The following ZMAT4 variants were observed in gnomAD, a reference collection of about 807,000 sequenced individuals.
ZMAT4 encodes the protein zinc finger matrin-type protein 4.
Under a neutral mutation model 28.7 loss-of-function variants are expected in ZMAT4, and 17 were observed. The ratio of observed to expected loss-of-function variants is 0.59; its 90% confidence interval spans 0.41 to 0.89. ZMAT4 has a LOEUF of 0.89. Among genes scored for constraint, ZMAT4 ranks in the 40% least tolerant of loss-of-function variants. The probability of loss-of-function intolerance (pLI) is 0.00; values close to 1 mark genes in which losing one functional copy is unlikely to be tolerated. For missense variants in ZMAT4, 240 were observed against 283.8 expected, an observed-to-expected ratio of 0.85 and a Z score of 1.11; for synonymous variants, 117 against 109.2, an observed-to-expected ratio of 1.07 and a Z score of -0.44.
At chr8:40,627,708 A>G (rs1356200537) in intron 5 of ZMAT4, among the ~76,000 whole-genome samples, 1 of 152,218 alleles carries the variant, frequency 6.6e-6, no homozygotes, top group Admixed American at 6.5e-5. Flanking sequence ...TTGCTTATTC[A>G]GATTTTAAAT....
intron 6 of ZMAT4, among the ~76,000 whole-genome samples, chr8:40,562,302 C>T (rs990630267): frequency 6.6e-6 from 1 of 152,094 alleles, no homozygotes; most frequent in Non-Finnish European, 1.5e-5. Flanking sequence ...AGGTAGGCAC[C>T]TTAGGCCATC....
intron 1 of ZMAT4, among the ~76,000 whole-genome samples, chr8:40,883,532 C>A (rs1183200114): frequency 6.6e-6 from 1 of 152,192 alleles, no homozygotes; most frequent in African/African-American, 2.4e-5. Context: ...CCCTCCCATT[C>A]AAATCACACA....
intron 3 of ZMAT4, among the ~76,000 whole-genome samples, chr8:40,709,325 T>C (rs1008809931): frequency 1.3e-5 from 2 of 152,162 alleles, no homozygotes; most frequent in African/African-American, 4.8e-5. Flanking sequence ...GTGGAGCCCA[T>C]GAATATGGAG....
At chr8:40,833,892 T>C (rs1816381989) in intron 1 of ZMAT4, among the ~76,000 whole-genome samples, 1 of 152,176 alleles carries the variant, frequency 6.6e-6, no homozygotes, top group African/African-American at 2.4e-5. Context: ...CTAGGTAGCT[T>C]ACCGTACATC....
chr8:40,786,131 C>T (rs1485487770), intron 2 of ZMAT4, among the ~76,000 whole-genome samples: 4 of 152,106 alleles, frequency 2.6e-5, no homozygotes, highest in African/African-American at 7.2e-5. Flanking sequence ...TTAAACACAA[C>T]CATCTGTTCT....
intron 5 of ZMAT4, among the ~76,000 whole-genome samples, chr8:40,590,709 ATAAG>A (rs1259141953): frequency 8.9e-5 from 10 of 112,202 alleles, no homozygotes; most frequent in South Asian, 8.8e-4. Context: ...AGCTTTCAGT[ATAAG>A]TGTGTGTGTG....
At chr8:40,639,592 G>A (rs1203456710) in intron 5 of ZMAT4, among the ~76,000 whole-genome samples, 1 of 150,802 alleles carries the variant, frequency 6.6e-6, no homozygotes, top group African/African-American at 2.4e-5. Flanking sequence ...AAAATAAAGG[G>A]GGCAGAAGGG....
rs1298969023 is a variant in ZMAT4 at position 40,531,317 on chromosome 8, T to G, written c.*906A>C. 1 of 152,128 alleles carries G rather than the reference T, an allele frequency of 6.6e-6. No homozygotes were observed. The highest frequency in any genetic ancestry group is 2.4e-5 in the African/African-American group (1 of 41,438). The allele number at this position is 152,128 out of a possible 1,614,324, so 9.4% of individuals were successfully genotyped here. On this transcript the variant is annotated 3_prime_UTR_variant, in exon 7 of 7. Transcript: ENST00000297737. ...ACCCCGCCTAGCCCAAGGCCGCCAT[T>G]TCTTCAGAATTTTCTCACTTCTTTC...
Position 40,604,474 on chromosome 8 carries a change from T to C in ZMAT4, c.578-23213A>G, listed in dbSNP as rs142462809. 1.4e-3 allele frequency among the ~76,000 whole-genome samples: 219 copies of C among 152,376 alleles called. 1 individual carries two copies. Among genetic ancestry groups the C allele is most frequent in the African/African-American group, 5.2e-3 (216 of 41,592 alleles). On this transcript the variant is annotated intron_variant, in intron 5 of 6. Transcript: ENST00000297737. ...AATGCTTTTTCTGTATCTATTGAGA[T>C]GATCATATGATTTTTGTTTTTACTT...
intron 3 of ZMAT4, among the ~76,000 whole-genome samples, chr8:40,721,003 G>A (rs775927219): frequency 2.4e-4 from 36 of 151,718 alleles, no homozygotes; most frequent in Non-Finnish European, 4.7e-4. Context: ...TATACTTTAA[G>A]TTTTAGGGTA....
chr8:40,641,841 G>C (rs145924504), intron 5 of ZMAT4, among the ~76,000 whole-genome samples: 1 of 152,094 alleles, frequency 6.6e-6, no homozygotes, highest in Admixed American at 6.5e-5. Flanking sequence ...AAGGATATAA[G>C]GTTTCAGTTA....
chr8:40,795,692 T>A (rs1240860148), intron 2 of ZMAT4, among the ~76,000 whole-genome samples: 1 of 152,252 alleles, frequency 6.6e-6, no homozygotes, highest in African/African-American at 2.4e-5. Flanking sequence ...ATTTATTTTA[T>A]ACTATCCGTT....
intron 1 of ZMAT4, among the ~76,000 whole-genome samples, chr8:40,838,333 C>T (rs756090639): frequency 6.6e-6 from 1 of 151,964 alleles, no homozygotes; most frequent in Non-Finnish European, 1.5e-5. Context: ...CTGGTGATGC[C>T]CCTCTTTTGT....
chr8:40,848,147 G>A (rs938086230), intron 1 of ZMAT4, among the ~76,000 whole-genome samples: 3 of 152,124 alleles, frequency 2.0e-5, no homozygotes, highest in South Asian at 2.1e-4. Context: ...AAAGGAAAAC[G>A]AAACCCAACA....
At chr8:40,806,182 G>A (rs1170776329) in intron 2 of ZMAT4, among the ~76,000 whole-genome samples, 3 of 152,188 alleles carry the variant, frequency 2.0e-5, no homozygotes, top group Admixed American at 6.5e-5. Flanking sequence ...TTGAGAAACA[G>A]CATTTGCAAC....
intron 5 of ZMAT4, among the ~76,000 whole-genome samples, chr8:40,640,957 CA>C (rs557407610): frequency 3.7e-3 from 275 of 74,762 alleles, no homozygotes; most frequent in Middle Eastern, 7.9e-3. Context: ...GACTCCATCT[CA>C]AAAAAAAAAA....
chr8:40,604,599 A>T (rs774542761), intron 5 of ZMAT4, among the ~76,000 whole-genome samples: 5 of 151,968 alleles, frequency 3.3e-5, no homozygotes, highest in Non-Finnish European at 7.4e-5. Context: ...AATTTTTTTG[A>T]TATGCTGTTG....
At chr8:40,781,589 C>T (rs1473448953) in intron 2 of ZMAT4, among the ~76,000 whole-genome samples, 4 of 149,980 alleles carry the variant, frequency 2.7e-5, no homozygotes, top group Admixed American at 6.6e-5. Context: ...GGTGAAACCC[C>T]GTCTCTACTA....
chr8:40,601,705 A>AAAAGAAAG (rs149230517), intron 5 of ZMAT4, among the ~76,000 whole-genome samples: 1 of 33,024 alleles, frequency 3.0e-5, no homozygotes, highest in South Asian at 1.0e-3. Flanking sequence ...AGAAAGAAAG[A>AAAAGAAAG]AAAGAAAGAA....
Sources: allele counts gnomAD v4.1 joint callset (sites outside exome capture counted in the v4.1 genomes callset), GRCh38; gene constraint gnomAD v4.1.1; transcripts MANE v1.5; gene names NCBI Gene and HGNC (gene_info 2026-07-23, HGNC 2026-07-21).